Variants in OSBPL8 observed in about 807,000 individuals in gnomAD.
The protein encoded by OSBPL8 is oxysterol binding protein like 8.
In OSBPL8, 59 loss-of-function variants were observed where a neutral mutation model predicts 125.5. The observed-to-expected ratio is 0.47, with a 90% CI of 0.38 to 0.58. The LOEUF (loss-of-function observed/expected upper bound fraction) is 0.58. Ranked by LOEUF, OSBPL8 falls within the 20% of genes least tolerant of loss-of-function variation. The pLI is 0.00. For synonymous variants in OSBPL8, 330 were observed against 338.9 expected, an observed-to-expected ratio of 0.97 and a Z score of 0.29; for missense variants, 758 against 1,047.8, an observed-to-expected ratio of 0.72 and a Z score of 3.82.
At chr12:76,414,313 T>C (rs948407749) in intron 4 of OSBPL8, among the ~76,000 whole-genome samples, 1 of 152,062 alleles carries the variant, frequency 6.6e-6, no homozygotes, top group Non-Finnish European at 1.5e-5. Flanking sequence ...CTGTCAATAT[T>C]TAACCATTAA....
intron 12 of OSBPL8, among the ~76,000 whole-genome samples, chr12:76,388,345 C>T (rs186813836): frequency 1.7e-4 from 26 of 152,310 alleles, no homozygotes; most frequent in South Asian, 6.2e-4. Context: ...CTTCAGGGTG[C>T]TGTGCTAGTC....
chr12:76,424,819 A>T (rs914545904), intron 4 of OSBPL8, among the ~76,000 whole-genome samples: 2 of 152,124 alleles, frequency 1.3e-5, no homozygotes, highest in Non-Finnish European at 2.9e-5. Context: ...AAGTAAAATC[A>T]AGAAAAGGGG....
chr12:76,462,003 C>T (rs1874801942), intron 2 of OSBPL8, among the ~76,000 whole-genome samples: 1 of 152,180 alleles, frequency 6.6e-6, no homozygotes, highest in African/African-American at 2.4e-5. Flanking sequence ...GCTTCATAGA[C>T]ATCTTCTAAG....
intron 4 of OSBPL8, among the ~76,000 whole-genome samples, chr12:76,428,159 C>G (rs1870377953): frequency 6.6e-6 from 1 of 151,750 alleles, no homozygotes; most frequent in Non-Finnish European, 1.5e-5. Context: ...CTGAAGAGAC[C>G]AACTACATAT....
intron 4 of OSBPL8, 60 bp from the exon 5 acceptor site, chr12:76,410,694 C>A: frequency 1.7e-6 from 2 of 1,158,382 alleles, no homozygotes; most frequent in South Asian, 1.3e-5. Flanking sequence ...ATAAGTCATT[C>A]ATTTTCAAGT....
At chr12:76,520,711 A>G (rs1177106784) in intron 1 of OSBPL8, among the ~76,000 whole-genome samples, 1 of 152,126 alleles carries the variant, frequency 6.6e-6, no homozygotes, top group African/African-American at 2.4e-5. Context: ...GTTCCATCAG[A>G]GATAATGAGA....
intron 4 of OSBPL8, among the ~76,000 whole-genome samples, chr12:76,440,689 T>A (rs979497281): frequency 6.6e-6 from 1 of 152,186 alleles, no homozygotes; most frequent in Non-Finnish European, 1.5e-5. Context: ...AGTCTTCCTC[T>A]GTGGGTATGT....
At chr12:76,427,047 A>G (rs1010111376) in intron 4 of OSBPL8, among the ~76,000 whole-genome samples, 2 of 152,158 alleles carry the variant, frequency 1.3e-5, no homozygotes, top group Non-Finnish European at 1.5e-5. Flanking sequence ...TTCCTACTTC[A>G]TCTGAATGGT....
chr12:76,508,187 G>T (rs1226230054), intron 1 of OSBPL8, among the ~76,000 whole-genome samples: 2 of 151,518 alleles, frequency 1.3e-5, no homozygotes, highest in African/African-American at 2.4e-5. Flanking sequence ...AAAAAAAGAA[G>T]AATATTACTG....
chr12:76,544,442 A>G (rs1262543291), intron 1 of OSBPL8, among the ~76,000 whole-genome samples: 3 of 152,320 alleles, frequency 2.0e-5, no homozygotes, highest in Non-Finnish European at 4.4e-5. Context: ...CATTATTCCA[A>G]AAGTGTTTGT....
At chr12:76,459,812 A>C in intron 3 of OSBPL8, 47 bp downstream of exon 3, 1 of 1,606,300 alleles carries the variant, frequency 6.2e-7, no homozygotes, top group Non-Finnish European at 8.5e-7. Context: ...CACACATCAA[A>C]ATATTATCAT....
chr12:76,379,881 G>A (rs1013186379), intron 15 of OSBPL8, among the ~76,000 whole-genome samples: 13 of 152,084 alleles, frequency 8.5e-5, no homozygotes, highest in African/African-American at 3.1e-4. Flanking sequence ...ACCTAGGAGT[G>A]GAATTTCTGA....
chr12:76,495,094 G>A (rs1016585558), intron 1 of OSBPL8, among the ~76,000 whole-genome samples: 3 of 152,110 alleles, frequency 2.0e-5, no homozygotes, highest in Admixed American at 6.5e-5. Context: ...ACTGTTGGCT[G>A]GTAAGACATC....
intron 2 of OSBPL8, chr12:76,485,973 C>A: frequency 7.8e-6 from 3 of 386,048 alleles, no homozygotes; most frequent in South Asian, 3.9e-5. Context: ...ACATTAAGTT[C>A]TACAGACAAG....
intron 1 of OSBPL8, among the ~76,000 whole-genome samples, chr12:76,541,373 G>C (rs1284194613): frequency 2.0e-5 from 3 of 152,092 alleles, no homozygotes; most frequent in African/African-American, 7.2e-5. Context: ...GGCTACTCAA[G>C]AGGCTGAGGC....
At chr12:76,425,895 T>G (rs969137191) in intron 4 of OSBPL8, among the ~76,000 whole-genome samples, 1 of 152,212 alleles carries the variant, frequency 6.6e-6, no homozygotes, top group Non-Finnish European at 1.5e-5. Context: ...TGCCGAATGC[T>G]TTCTTCAGTT....
chr12:76,467,745 G>T (rs1875639159), intron 2 of OSBPL8, among the ~76,000 whole-genome samples: 1 of 151,644 alleles, frequency 6.6e-6, no homozygotes, highest in East Asian at 1.9e-4. Flanking sequence ...CCTTTTGGTA[G>T]ATGTCCCTGC....
intron 2 of OSBPL8, among the ~76,000 whole-genome samples, chr12:76,465,004 G>C (rs548393760): frequency 1.3e-5 from 2 of 152,048 alleles, no homozygotes; most frequent in Non-Finnish European, 2.9e-5. Context: ...TCTGTTCTTC[G>C]AACAGGAGTC....
intron 1 of OSBPL8, among the ~76,000 whole-genome samples, chr12:76,543,568 C>A (rs1226134152): frequency 1.3e-5 from 2 of 152,078 alleles, no homozygotes; most frequent in African/African-American, 2.4e-5. Context: ...AGTTTATTAT[C>A]TACACCAAGT....
Sources: allele counts gnomAD v4.1 joint callset (sites outside exome capture counted in the v4.1 genomes callset), GRCh38; gene constraint gnomAD v4.1.1; transcripts MANE v1.5; gene names NCBI Gene and HGNC (gene_info 2026-07-23, HGNC 2026-07-21).